Variants in ITPK1 observed in about 807,000 individuals in gnomAD.
ITPK1 encodes inositol 1,3,4-trisphosphate 5/6-kinase.
Under a neutral mutation model 45.3 loss-of-function variants are expected in ITPK1, and 21 were observed. That is an observed-to-expected ratio of 0.46 (90% CI 0.33 to 0.67). The LOEUF (loss-of-function observed/expected upper bound fraction) is 0.67, where lower values mean the gene tolerates loss of function less well. Among genes scored for constraint, ITPK1 ranks in the 30% least tolerant of loss-of-function variants. The pLI is 0.02. For missense variants in ITPK1, 474 were observed against 573.5 expected, an observed-to-expected ratio of 0.83 and a Z score of 1.77; for synonymous variants, 258 against 253.6, an observed-to-expected ratio of 1.02 and a Z score of -0.16.
At chr14:93,093,261 C>T (rs1158313110) in intron 2 of ITPK1, among the ~76,000 whole-genome samples, 1 of 152,232 alleles carries the variant, frequency 6.6e-6, no homozygotes, top group Non-Finnish European at 1.5e-5. Context: ...TCTAGGGCCT[C>T]CAAGGGCAGA....
rs143200329 is a variant in ITPK1 at position 93,034,657 on chromosome 14, G to A, written c.121-17856C>T. Among the ~76,000 whole-genome samples, 37 of 152,372 alleles carry A rather than the reference G, an allele frequency of 2.4e-4. No homozygotes were observed. The highest frequency in any genetic ancestry group is 3.4e-3 in the Middle Eastern group (1 of 294). On this transcript the variant is annotated intron_variant, in intron 3 of 10. Coordinates refer to ENST00000267615, the MANE Select transcript of ITPK1 (RefSeq NM_014216.6). The surrounding 1 kb of genome is among the most constrained non-coding windows in gnomAD (Gnocchi z 4.1). ...ACTCAGTGAAAGCCTATGGCTAAGT[G>A]GGCACATAATGACCCACCAAGCAAG...
intron 6 of ITPK1, 69 bp downstream of exon 6, chr14:92,962,682 C>T (rs1885138058): frequency 8.2e-7 from 1 of 1,218,402 alleles, no homozygotes; most frequent in African/African-American, 1.5e-5. Context: ...ACTATAAACC[C>T]AGCCCCTCCC....
At chr14:93,009,448 G>C (rs903612837) in intron 4 of ITPK1, among the ~76,000 whole-genome samples, 1 of 152,106 alleles carries the variant, frequency 6.6e-6, no homozygotes, top group Non-Finnish European at 1.5e-5. Flanking sequence ...CTCTGTTCCT[G>C]GTTGGTAAGA....
intron 3 of ITPK1, among the ~76,000 whole-genome samples, chr14:93,023,877 A>T (rs959987682): frequency 2.6e-5 from 4 of 152,126 alleles, no homozygotes; most frequent in African/African-American, 9.7e-5. Context: ...CTGCCAGATG[A>T]GTCCCTCGAT....
intron 2 of ITPK1, among the ~76,000 whole-genome samples, chr14:93,104,609 T>A (rs880664): frequency 0.019 from 2,850 of 152,080 alleles, 72 homozygotes; most frequent in Admixed American, 0.08. Flanking sequence ...CAAGCTGTGC[T>A]GCTCACAGCA....
chr14:92,957,656 G>C (rs1483109825), intron 8 of ITPK1, among the ~76,000 whole-genome samples: 1 of 152,214 alleles, frequency 6.6e-6, no homozygotes, highest in Non-Finnish European at 1.5e-5. Context: ...TCACTGGCAC[G>C]GTAGGAGTCC....
At chr14:92,996,431 C>T (rs1468668421) in intron 4 of ITPK1, among the ~76,000 whole-genome samples, 4 of 90,886 alleles carry the variant, frequency 4.4e-5, no homozygotes, top group African/African-American at 1.8e-4. Flanking sequence ...CGGGGCCTGT[C>T]GCGGGGTGGG....
chr14:93,033,870 A>G (rs1212170802), intron 3 of ITPK1, among the ~76,000 whole-genome samples: 2 of 152,030 alleles, frequency 1.3e-5, no homozygotes, highest in Non-Finnish European at 2.9e-5. Context: ...AGAGGTCTAG[A>G]GCTAGGGCAG....
Position 92,940,944 on chromosome 14 carries a change from C to A in ITPK1, c.*617G>T, listed in dbSNP as rs1310186102. On this transcript the variant is annotated 3_prime_UTR_variant, in exon 11 of 11. Coordinates refer to ENST00000267615, the MANE Select transcript of ITPK1 (RefSeq NM_014216.6). Reference sequence around the variant, plus strand: ...CCTTTCCTTCCCTTTAGTGAGGGAGCACAGCCCAGACCCCAGCGCGGAACT... The same window carrying A: ...CCTTTCCTTCCCTTTAGTGAGGGAGAACAGCCCAGACCCCAGCGCGGAACT... 7.8e-7 allele frequency: 1 copy of A among 1,287,368 alleles called. No individual in the cohort carries two copies. Among genetic ancestry groups the A allele is most frequent in the East Asian group, 5.6e-5 (1 of 18,018 alleles). 79.7% of individuals were successfully genotyped at this position (1,287,368 alleles called of 1,614,324 possible). A position where few individuals can be genotyped will look rare whatever the true frequency, so the allele number is the denominator to read the frequency against.
intron 2 of ITPK1, among the ~76,000 whole-genome samples, chr14:93,112,577 C>A (rs934073843): frequency 2.0e-5 from 3 of 151,690 alleles, no homozygotes; most frequent in African/African-American, 7.3e-5. Flanking sequence ...GTAGCTGGGA[C>A]TACAGGCGCC....
intron 2 of ITPK1, among the ~76,000 whole-genome samples, chr14:93,109,130 A>G (rs1892641510): frequency 6.6e-6 from 1 of 152,206 alleles, no homozygotes; most frequent in South Asian, 2.1e-4. Flanking sequence ...TGCCCATACC[A>G]GCAGAAACCA....
intron 5 of ITPK1, among the ~76,000 whole-genome samples, chr14:92,988,855 T>C (rs527856758): frequency 7.2e-5 from 11 of 152,334 alleles, no homozygotes; most frequent in African/African-American, 2.6e-4. Context: ...AATTAGGTAC[T>C]GTCTGTAAAG....
At chr14:93,025,952 A>AC (rs1266297072) in intron 3 of ITPK1, among the ~76,000 whole-genome samples, 1 of 152,026 alleles carries the variant, frequency 6.6e-6, no homozygotes, top group Non-Finnish European at 1.5e-5. Flanking sequence ...ACAGAGTGAG[A>AC]CCCCATCTCT....
chr14:93,041,336 G>A (rs1468655023), intron 3 of ITPK1, among the ~76,000 whole-genome samples: 2 of 152,176 alleles, frequency 1.3e-5, no homozygotes, highest in South Asian at 4.1e-4. Context: ...GCCAGAAGTG[G>A]CAACCCTGTC....
At chr14:92,951,703 C>T (rs1887960264) in intron 9 of ITPK1, among the ~76,000 whole-genome samples, 1 of 152,060 alleles carries the variant, frequency 6.6e-6, no homozygotes, top group Admixed American at 6.6e-5. Context: ...CCCTGCAAGC[C>T]CAGTGTGCCC....
At chr14:93,004,240 G>A (rs562827380) in intron 4 of ITPK1, among the ~76,000 whole-genome samples, 1 of 152,366 alleles carries the variant, frequency 6.6e-6, no homozygotes, top group South Asian at 2.1e-4. Context: ...ATTGGCGACA[G>A]GCACCGACCA....
chr14:93,039,163 C>T (rs375480415), intron 3 of ITPK1, among the ~76,000 whole-genome samples: 2 of 152,200 alleles, frequency 1.3e-5, no homozygotes, highest in Admixed American at 6.5e-5. Context: ...TCCTACTAAA[C>T]GATGCCCAGA....
intron 5 of ITPK1, among the ~76,000 whole-genome samples, chr14:92,991,713 G>A (rs1015114639): frequency 3.9e-5 from 6 of 152,014 alleles, no homozygotes; most frequent in South Asian, 2.1e-4. Flanking sequence ...CCTCATCACC[G>A]GGTTCCTGCT....
At position 93,036,307 on chromosome 14, in the gene ITPK1, T is replaced by G. The variant is rs553179578; in HGVS notation, c.121-19506A>C. Among the ~76,000 whole-genome samples the G allele has an allele frequency of 6.6e-6, 1 of 152,096 alleles. No homozygotes were observed. The highest frequency in any genetic ancestry group is 2.1e-4 in the South Asian group (1 of 4,820). ...AGTGGACTGCAATGTCTAAAGGGCA[T>G]CCGGTTGAGGCCACAAGGTCATGCT... On this transcript the variant is annotated intron_variant, in intron 3 of 10. Coordinates refer to ENST00000267615, the MANE Select transcript of ITPK1 (RefSeq NM_014216.6). This position sits in a 1 kb window ranked among gnomAD's most constrained non-coding sequence, Gnocchi z 4.1.
Sources: allele counts gnomAD v4.1 joint callset (sites outside exome capture counted in the v4.1 genomes callset), GRCh38; gene constraint gnomAD v4.1.1; non-coding constraint Gnocchi (gnomAD v3.1); transcripts MANE v1.5; gene names NCBI Gene and HGNC (gene_info 2026-07-23, HGNC 2026-07-21).